Variants in CNBD1 observed in about 807,000 individuals in gnomAD.
The protein encoded by CNBD1 is cyclic nucleotide binding domain containing 1, also known as cyclic nucleotide-binding domain-containing protein 1.
CNBD1 carries 71 observed loss-of-function variants against 54.4 expected under a neutral mutation model. The observed-to-expected ratio is 1.30, with a 90% CI of 1.08 to 1.59. The LOEUF (loss-of-function observed/expected upper bound fraction) is 1.59, where lower values mean the gene tolerates loss of function less well. CNBD1 is among the 40% of genes most tolerant of loss of function. The pLI is 0.00. For synonymous variants in CNBD1, 182 were observed against 170.7 expected, an observed-to-expected ratio of 1.07 and a Z score of -0.51; for missense variants, 659 against 518.0, an observed-to-expected ratio of 1.27 and a Z score of -2.64.
intron 6 of CNBD1, among the ~76,000 whole-genome samples, chr8:87,240,971 G>GTC (rs892041325): frequency 1.2e-4 from 19 of 152,010 alleles, no homozygotes; most frequent in African/African-American, 4.6e-4. Flanking sequence ...CTTTTTGTGG[G>GTC]TCCCCCCAGT....
intron 10 of CNBD1, among the ~76,000 whole-genome samples, chr8:87,366,931 C>G (rs1418607350): frequency 5.3e-5 from 8 of 152,006 alleles, no homozygotes; most frequent in African/African-American, 1.9e-4. Context: ...TGAGCACCTT[C>G]AAAGAGTTTT....
intron 4 of CNBD1, among the ~76,000 whole-genome samples, chr8:87,073,782 A>T (rs889771598): frequency 7.9e-5 from 12 of 152,036 alleles, no homozygotes; most frequent in Admixed American, 3.9e-4. Context: ...CCTAGTCAAG[A>T]GGAACAGGAT....
intron 8 of CNBD1, among the ~76,000 whole-genome samples, chr8:87,294,797 T>C (rs1018582252): frequency 6.6e-6 from 1 of 152,194 alleles, no homozygotes; most frequent in Non-Finnish European, 1.5e-5. Flanking sequence ...TTTTCAGCTT[T>C]ATCTGTAATA....
intron 8 of CNBD1, among the ~76,000 whole-genome samples, chr8:87,313,902 AC>A (rs1255083992): frequency 2.6e-5 from 4 of 151,908 alleles, no homozygotes; most frequent in Non-Finnish European, 5.9e-5. Flanking sequence ...AATTGTGTTT[AC>A]CCCCATTTTG....
At chr8:87,221,059 T>C (rs1221542347) in intron 5 of CNBD1, among the ~76,000 whole-genome samples, 3 of 152,084 alleles carry the variant, frequency 2.0e-5, no homozygotes, top group Admixed American at 6.6e-5. Flanking sequence ...TCCATCCTTA[T>C]TTTTGGTGTT....
intron 7 of CNBD1, among the ~76,000 whole-genome samples, chr8:87,286,256 A>G (rs1023621860): frequency 6.6e-6 from 1 of 152,180 alleles, no homozygotes; most frequent in Admixed American, 6.6e-5. Flanking sequence ...TTTTAGTTTA[A>G]TCTTGACTAT....
At chr8:87,281,751 T>G (rs1808606649) in intron 6 of CNBD1, among the ~76,000 whole-genome samples, 1 of 150,840 alleles carries the variant, frequency 6.6e-6, no homozygotes, top group South Asian at 2.1e-4. Context: ...TGCCAGATAA[T>G]TTCTCATTTT....
At chr8:87,330,782 A>G (rs1016150212) in intron 8 of CNBD1, among the ~76,000 whole-genome samples, 5 of 152,286 alleles carry the variant, frequency 3.3e-5, no homozygotes, top group African/African-American at 7.2e-5. Context: ...TAGATTATAG[A>G]TGTCAATTTT....
intron 4 of CNBD1, among the ~76,000 whole-genome samples, chr8:87,143,293 C>G (rs16897145): frequency 0.04 from 6,091 of 152,178 alleles, 399 homozygotes; most frequent in African/African-American, 0.13. Context: ...GACATTGGTT[C>G]TAAGTTTGGG....
At chr8:87,213,979 A>G (rs768595583) in intron 5 of CNBD1, among the ~76,000 whole-genome samples, 4 of 152,180 alleles carry the variant, frequency 2.6e-5, no homozygotes, top group Non-Finnish European at 4.4e-5. Context: ...TGCAAGTCCA[A>G]AATGCAGCTG....
chr8:87,355,754 G>A (rs1810408100), intron 10 of CNBD1, among the ~76,000 whole-genome samples: 1 of 152,070 alleles, frequency 6.6e-6, no homozygotes, highest in Non-Finnish European at 1.5e-5. Flanking sequence ...ACTGAATACT[G>A]TTATCCTGAA....
chr8:87,294,346 T>TA (rs1196357232), intron 8 of CNBD1, among the ~76,000 whole-genome samples: 7 of 152,186 alleles, frequency 4.6e-5, no homozygotes, highest in Non-Finnish European at 8.8e-5. Flanking sequence ...GTTTTTCAGA[T>TA]CTCTACCAGA....
At chr8:87,228,357 C>T (rs970633033) in intron 5 of CNBD1, among the ~76,000 whole-genome samples, 2 of 149,564 alleles carry the variant, frequency 1.3e-5, no homozygotes, top group African/African-American at 2.5e-5. Context: ...CTGTTTTTTC[C>T]CCATCTTTGT....
downstream of CNBD1, among the ~76,000 whole-genome samples, chr8:87,385,302 G>A (rs1244217400): frequency 6.6e-5 from 10 of 152,148 alleles, no homozygotes; most frequent in African/African-American, 1.9e-4. Context: ...CACCGAGTGT[G>A]AGCCAAAACA....
intron 2 of CNBD1, among the ~76,000 whole-genome samples, chr8:87,411,396 T>TTATATATATATATATA (rs1807738971): frequency 5.2e-5 from 1 of 19,192 alleles, no homozygotes; most frequent in Non-Finnish European, 7.6e-5. Context: ...CCTAGCTATA[T>TTATATATATATATATA]CATATATATA....
chr8:87,205,155 G>T (rs116242511), intron 4 of CNBD1, among the ~76,000 whole-genome samples: 1,935 of 152,074 alleles, frequency 0.013, 50 homozygotes, highest in African/African-American at 0.045. Context: ...ATGCTAAATT[G>T]GTTTTTCACA....
Position 87,363,083 on chromosome 8 carries a change from T to C in CNBD1, c.1303+9297T>C, listed in dbSNP as rs560285105. 3.3e-5 allele frequency among the ~76,000 whole-genome samples: 5 copies of C among 152,144 alleles called. No homozygotes were observed. In the East Asian group the frequency reaches 9.7e-4, roughly 30 times the overall value. ...GTGTTCTCATTGTTCAACTCCCACT[T>C]ATGAGTGGGAACATGAAGTGTTTGG... is the stretch of plus-strand genomic sequence containing the variant. On this transcript the variant is annotated intron_variant, in intron 10 of 10. Coordinates refer to ENST00000518476, the MANE Select transcript of CNBD1 (RefSeq NM_173538.3).
chr8:86,972,328 G>A (rs564715611), intron 4 of CNBD1, among the ~76,000 whole-genome samples: 3 of 152,256 alleles, frequency 2.0e-5, no homozygotes, highest in African/African-American at 7.2e-5. Flanking sequence ...TGTTTTAATA[G>A]TATGCTTCTA....
intron 4 of CNBD1, among the ~76,000 whole-genome samples, chr8:86,959,800 T>C (rs529411132): frequency 1.2e-4 from 19 of 152,180 alleles, no homozygotes; most frequent in Non-Finnish European, 1.5e-4. Context: ...TCAAACATCC[T>C]CCTTTAGCTC....
Sources: gnomAD v4.1 joint callset for allele counts (sites outside exome capture counted in the v4.1 genomes callset) on GRCh38, gnomAD v4.1.1 for gene constraint, MANE v1.5 for transcripts, NCBI Gene and HGNC (gene_info 2026-07-23, HGNC 2026-07-21) for gene names.